Variants in NCOA1 observed in about 807,000 individuals in gnomAD.
NCOA1 encodes the protein nuclear receptor coactivator 1.
In NCOA1, 35 loss-of-function variants were observed where a neutral mutation model predicts 150.9. The observed-to-expected ratio is 0.23, with a 90% CI of 0.18 to 0.31. NCOA1 has a LOEUF of 0.31. Among genes scored for constraint, NCOA1 ranks in the 10% least tolerant of loss-of-function variants. The pLI is 1.00. For synonymous variants in NCOA1, 590 were observed against 630.0 expected (o/e 0.94, Z 0.95); for missense variants, 1,491 against 1,749.3 (o/e 0.85, Z 2.63).
At position 24,504,919 on chromosome 2, in the gene NCOA1, C is replaced by A. The variant is rs542194854; in HGVS notation, c.-396+13317C>A. Among the ~76,000 whole-genome samples, 38 of 152,154 alleles carry A rather than the reference C, an allele frequency of 2.5e-4. 2 individuals are homozygous for A. Among genetic ancestry groups the A allele is most frequent in the Admixed American group, 6.5e-4 (10 of 15,274 alleles). ...CTAGTATCCTTGGAGGTCATTTTCC[C>A]CCTGTTATCAACATATTGCTAATTA... On this transcript the variant is annotated intron_variant, in intron 1 of 22. Coordinates refer to ENST00000348332, the MANE Select transcript of NCOA1 (RefSeq NM_003743.5).
intron 21 of NCOA1, 38 bp from the exon 22 acceptor site, chr2:24,762,649 A>C (rs369316441): frequency 3.2e-6 from 5 of 1,579,048 alleles, no homozygotes; most frequent in Non-Finnish European, 4.3e-6. Flanking sequence ...AGTTTAAACA[A>C]CTAGCTTGTA....
chr2:24,679,345 A>G (rs1672060636), intron 7 of NCOA1, among the ~76,000 whole-genome samples: 1 of 152,238 alleles, frequency 6.6e-6, no homozygotes, highest in Admixed American at 6.5e-5. Context: ...AAGAACAAGT[A>G]ATAACAGATT....
intron 2 of NCOA1, among the ~76,000 whole-genome samples, chr2:24,566,416 G>A (rs1666508161): frequency 6.6e-6 from 1 of 152,074 alleles, no homozygotes; most frequent in Admixed American, 6.6e-5. Flanking sequence ...TCAGCAGAGA[G>A]GAGACCCTGG....
At chr2:24,704,547 T>G (rs1011468496) in intron 11 of NCOA1, among the ~76,000 whole-genome samples, 2 of 151,940 alleles carry the variant, frequency 1.3e-5, no homozygotes, top group Non-Finnish European at 2.9e-5. Flanking sequence ...GATGCCAAGG[T>G]GAATGGATCA....
At position 24,541,177 on chromosome 2, in the gene NCOA1, C is replaced by G. The variant is rs949161082; in HGVS notation, c.-395-23118C>G. Among the ~76,000 whole-genome samples the G allele has an allele frequency of 1.3e-5, 2 of 152,108 alleles. 1 individual carries two copies. Among genetic ancestry groups the G allele is most frequent in the Non-Finnish European group, 2.9e-5 (2 of 68,024 alleles). Reference sequence around the variant, plus strand: ...ATAATGGTAGTTGATAATGGCAGTTCATGGGTGAAGTTGCTCAGGAAGAAT... The same window carrying G: ...ATAATGGTAGTTGATAATGGCAGTTGATGGGTGAAGTTGCTCAGGAAGAAT... On this transcript the variant is annotated intron_variant, in intron 1 of 22. Transcript: ENST00000348332.
intron 4 of NCOA1, among the ~76,000 whole-genome samples, chr2:24,646,311 A>G (rs1343947719): frequency 6.6e-6 from 1 of 152,164 alleles, no homozygotes; most frequent in Non-Finnish European, 1.5e-5. Flanking sequence ...GATGACAATG[A>G]TGAACCATTT....
intron 17 of NCOA1, 51 bp from the exon 18 acceptor site, chr2:24,739,381 G>A (rs55655556): frequency 4.9e-5 from 63 of 1,296,862 alleles, no homozygotes; most frequent in Non-Finnish European, 6.7e-5. Flanking sequence ...TATAAGGCCC[G>A]TGTTATGCTT....
At chr2:24,495,113 T>C (rs1663147896) in intron 1 of NCOA1, among the ~76,000 whole-genome samples, 1 of 151,380 alleles carries the variant, frequency 6.6e-6, no homozygotes, top group Non-Finnish European at 1.5e-5. Flanking sequence ...GTTTTTTTTT[T>C]TTAATAGCTT....
rs201230954 is a variant in NCOA1, at chr2:24,707,453, A to G, written c.1983A>G (p.Thr661=). 5 of 1,614,218 alleles carry G rather than the reference A, an allele frequency of 3.1e-6. No homozygotes were observed. Among genetic ancestry groups the G allele is most frequent in the African/African-American group, 2.7e-5 (2 of 75,060 alleles). Residue 661 remains threonine (T), a synonymous_variant, in exon 13 of 23, where the codon ACA becomes ACG. Coordinates refer to ENST00000348332, the MANE Select transcript of NCOA1 (RefSeq NM_003743.5). ...GCTGCAAAGATGTCCTGTCTTGCAC[A>G]GGCACTTCCAACTCTGCCTCTGCTA... ...DTSCKDVLSC[T]GTSNSASANS...
chr2:24,576,145 C>CTTTTTTTTTTT (rs1666945159), intron 2 of NCOA1, among the ~76,000 whole-genome samples: 1 of 101,036 alleles, frequency 9.9e-6, no homozygotes. Flanking sequence ...ATTATTTGGC[C>CTTTTTTTTTTT]TTTGTTTTTT....
intron 3 of NCOA1, among the ~76,000 whole-genome samples, chr2:24,629,846 ATG>A (rs1553439216): frequency 2.3e-5 from 3 of 132,630 alleles, no homozygotes; most frequent in South Asian, 2.3e-4. Flanking sequence ...ATATATATAT[ATG>A]TATTTTTTTT....
At chr2:24,705,730 A>C (rs1049419742) in intron 12 of NCOA1, among the ~76,000 whole-genome samples, 23 of 152,158 alleles carry the variant, frequency 1.5e-4, no homozygotes, top group African/African-American at 5.5e-4. Flanking sequence ...ATATATGGTA[A>C]ATTCATGAAA....
intron 3 of NCOA1, 68 bp downstream of exon 3, chr2:24,584,628 G>A (rs1667325457): frequency 6.6e-6 from 1 of 152,180 alleles, no homozygotes; most frequent in African/African-American, 2.4e-5. Flanking sequence ...GGCCTATAGT[G>A]TGTCAGGCAA....
chr2:24,496,242 G>C (rs1381874582), intron 1 of NCOA1, among the ~76,000 whole-genome samples: 1 of 152,148 alleles, frequency 6.6e-6, no homozygotes, highest in Non-Finnish European at 1.5e-5. Context: ...TTATGTTATT[G>C]TTTTCAGAGG....
At chr2:24,494,700 C>T (rs1291871655) in intron 1 of NCOA1, among the ~76,000 whole-genome samples, 2 of 152,092 alleles carry the variant, frequency 1.3e-5, no homozygotes, top group Admixed American at 6.6e-5. Context: ...ATGCTGTGGT[C>T]GGTGTGGGCT....
Position 24,674,722 on chromosome 2 carries a change from ATAGT to A in NCOA1, c.354+1264_354+1267del. On this transcript the variant is annotated intron_variant, in intron 7 of 22. Coordinates refer to ENST00000348332, the MANE Select transcript of NCOA1 (RefSeq NM_003743.5). ...AATTTCTTAGCAGAGTACTTTATAC[ATAGT>A]TAGTACTCATTAAGTCCAGTATGGG... is the stretch of plus-strand genomic sequence containing the variant. Among the ~76,000 whole-genome samples, 3 of 150,788 alleles carry A rather than the reference ATAGT, an allele frequency of 2.0e-5. No homozygotes were observed. In the South Asian group the frequency reaches 6.3e-4, roughly 32 times the overall value.
At chr2:24,504,454 G>A (rs1572355929) in intron 1 of NCOA1, among the ~76,000 whole-genome samples, 1 of 152,174 alleles carries the variant, frequency 6.6e-6, no homozygotes, top group African/African-American at 2.4e-5. Flanking sequence ...TATTTGGTGA[G>A]GAGTAAATGA....
chr2:24,530,613 G>A (rs186915932), intron 1 of NCOA1, among the ~76,000 whole-genome samples: 19 of 152,210 alleles, frequency 1.2e-4, no homozygotes, highest in Non-Finnish European at 2.8e-4. Context: ...ATATGCAGTG[G>A]CATTCTAGCC....
chr2:24,586,376 TTTTG>T (rs113339929), intron 3 of NCOA1, among the ~76,000 whole-genome samples: 8,161 of 151,508 alleles, frequency 0.054, 286 homozygotes, highest in East Asian at 0.19. Context: ...GCTTGAGGCT[TTTTG>T]TTTGTTTGTT....
Sources: allele counts gnomAD v4.1 joint callset (sites outside exome capture counted in the v4.1 genomes callset), GRCh38; gene constraint gnomAD v4.1.1; transcripts MANE v1.5; gene names NCBI Gene and HGNC (gene_info 2026-07-23, HGNC 2026-07-21).